The following UNC80 variants were observed in gnomAD, a reference collection of about 807,000 sequenced individuals.
UNC80 encodes protein unc-80 homolog.
A neutral mutation model predicts 384.6 loss-of-function variants in UNC80; 164 were observed. The observed-to-expected ratio is 0.43, with a 90% confidence interval of 0.38 to 0.49. UNC80 has a LOEUF of 0.49. Among genes scored for constraint, UNC80 ranks in the 20% least tolerant of loss-of-function variants. The pLI, the probability that UNC80 is intolerant of heterozygous loss-of-function variation, is 0.00. For missense variants in UNC80, 3,330 were observed against 4,143.0 expected (o/e 0.80, Z 5.39); for synonymous variants, 1,486 against 1,527.8 (o/e 0.97, Z 0.64).
At chr2:209,896,566 ACT>A (rs1202694311) in intron 28 of UNC80, among the ~76,000 whole-genome samples, 153 bp downstream of exon 28, 3 of 151,994 alleles carry the variant, frequency 2.0e-5, no homozygotes, top group African/African-American at 7.2e-5. Context: ...ATATCTCAAC[ACT>A]CTCTAGAATT....
chr2:209,852,606 G>A lies in UNC80; in HGVS notation c.3627+2983G>A, dbSNP rs374579641. Among the ~76,000 whole-genome samples, 5 of 152,232 alleles carry A rather than the reference G, an allele frequency of 3.3e-5. No homozygotes were observed. In the South Asian group the frequency reaches 6.2e-4, roughly 19 times the overall value. The stretch of plus-strand genomic sequence containing the variant: ...GGAACTAAAGGGGCTGGTGAATTCT[G>A]ACAGACTGAGAGGAAGGTAATGCAG... On this transcript the variant is annotated intron_variant, in intron 22 of 64. Transcript: ENST00000673920.
chr2:209,903,618 A>AAT (rs375528545), intron 28 of UNC80, among the ~76,000 whole-genome samples: 2 of 84,520 alleles, frequency 2.4e-5, no homozygotes, highest in South Asian at 3.5e-4. Flanking sequence ...GTATATATGT[A>AAT]ATATATATAT....
intron 4 of UNC80, among the ~76,000 whole-genome samples, chr2:209,785,457 T>C (rs1341359453): frequency 1.3e-5 from 2 of 152,222 alleles, no homozygotes; most frequent in East Asian, 3.8e-4. Context: ...TTCCTAATGC[T>C]ATGTTAAACA....
intron 7 of UNC80, among the ~76,000 whole-genome samples, chr2:209,806,782 A>AG (rs1423759452): frequency 6.6e-5 from 10 of 152,252 alleles, no homozygotes; most frequent in Non-Finnish European, 1.3e-4. Context: ...ATAAGTAAAC[A>AG]GGTAGCTAGT....
Position 209,995,676 on chromosome 2 carries a change from A to G in UNC80, c.*81A>G. The G allele has an allele frequency of 6.8e-7, 1 of 1,465,266 alleles. No homozygotes were observed. The allele number at this position is 1,465,266 out of a possible 1,614,324, so 90.8% of individuals were successfully genotyped here. On this transcript the variant is annotated 3_prime_UTR_variant, in exon 65 of 65. Transcript: ENST00000673920. Reference sequence around the variant, plus strand: ...CTACAAGTTCAATACTTTTGCTTGAAAAAGATTAATTACAAAATAGCACTT... The same window carrying G: ...CTACAAGTTCAATACTTTTGCTTGAGAAAGATTAATTACAAAATAGCACTT...
rs1575183610 is a variant in UNC80 at position 209,972,258 on chromosome 2, C to A, written c.8314C>A (p.Arg2772=). The A allele has an allele frequency of 1.3e-6, 2 of 1,551,578 alleles. No individual in the cohort carries two copies. Among genetic ancestry groups the A allele is most frequent in the Non-Finnish European group, 1.7e-6 (2 of 1,146,854 alleles). The stretch of plus-strand genomic sequence containing the variant: ...GATCTCCCCATTCACCAATCAAGAG[C>A]GAAGGGAGGGGATGCTTTTAAATCT... ...HVISPFTNQE[R]REGMLLNLLI... is the part of the protein sequence containing the mutation. The change falls in exon 55 of 65, where the codon CGA becomes AGA. Residue 2772 remains arginine, a synonymous_variant. Transcript: ENST00000673920.
intron 14 of UNC80, 82 bp from the exon 15 acceptor site, chr2:209,829,150 T>G (rs2080769576): frequency 6.7e-7 from 1 of 1,498,640 alleles, no homozygotes; most frequent in African/African-American, 1.4e-5. Flanking sequence ...CCTTGCCTTC[T>G]GAAGGCTTCT....
At chr2:209,812,306 C>T (rs925652533) in intron 7 of UNC80, among the ~76,000 whole-genome samples, 1 of 151,942 alleles carries the variant, frequency 6.6e-6, no homozygotes, top group East Asian at 1.9e-4. Flanking sequence ...GTGATCCGTC[C>T]GCCTCGGCCT....
chr2:209,817,520 T>A (rs6713928), intron 10 of UNC80, among the ~76,000 whole-genome samples: 15,527 of 151,744 alleles, frequency 0.1, 2,020 homozygotes, highest in African/African-American at 0.29. Flanking sequence ...TCTTTCTGGA[T>A]TGCATACTAA....
chr2:209,771,910 G>C lies in UNC80; in HGVS notation c.-163G>C. 1 of 621,680 alleles carries C rather than the reference G, an allele frequency of 1.6e-6. No homozygotes were observed. Among genetic ancestry groups the C allele is most frequent in the Admixed American group, 2.3e-5 (1 of 44,288 alleles). 38.5% of individuals were successfully genotyped at this position (621,680 alleles called of 1,614,324 possible). ...CGCAGCCATGTTCCACGCGCGGGGA[G>C]GGGTGGGGGGAGGGGAGAGGCACGG... On this transcript the variant is annotated 5_prime_UTR_variant, in exon 1 of 65. Transcript: ENST00000673920.
intron 40 of UNC80, among the ~76,000 whole-genome samples, chr2:209,936,140 C>A (rs60828808): frequency 0.035 from 5,372 of 152,144 alleles, 325 homozygotes; most frequent in African/African-American, 0.12. Flanking sequence ...CATTACTACT[C>A]CTTTTGTCCT....
chr2:209,877,088 A>G (rs185434680), intron 23 of UNC80, among the ~76,000 whole-genome samples: 17 of 152,282 alleles, frequency 1.1e-4, no homozygotes, highest in African/African-American at 2.9e-4. Context: ...AGAGTATCCA[A>G]ACTGTCAAAC....
At position 209,940,348 on chromosome 2, in the gene UNC80, C is replaced by CA. The variant is rs1465888236; in HGVS notation, c.6646+700dup. Among the ~76,000 whole-genome samples the CA allele has an allele frequency of 1.1e-4, 17 of 152,124 alleles. No individual in the cohort carries two copies. In the East Asian group the frequency reaches 2.9e-3, roughly 26 times the overall value. On this transcript the variant is annotated intron_variant, in intron 43 of 64. Transcript: ENST00000673920. ...ATGAGTGCATAGTGCATATTTTTGT[C>CA]AAAATTCAATGAACTCTAAAGATCT...
chr2:209,885,122 T>TA (rs1179844614), intron 25 of UNC80, among the ~76,000 whole-genome samples: 1 of 151,186 alleles, frequency 6.6e-6, no homozygotes, highest in African/African-American at 2.4e-5. Context: ...TTTCTAAAGT[T>TA]AAAAAAATCA....
At chr2:209,972,064 T>C in intron 54 of UNC80, 137 bp from the exon 55 acceptor site, 2 of 1,042,264 alleles carry the variant, frequency 1.9e-6, no homozygotes, top group Admixed American at 3.2e-5. Context: ...GCTTGTATGC[T>C]GTACAGACAA....
intron 42 of UNC80, 82 bp downstream of exon 42, chr2:209,937,712 AT>A: frequency 9.4e-7 from 1 of 1,059,242 alleles, no homozygotes; most frequent in Non-Finnish European, 1.4e-6. Context: ...CAACTTTGAG[AT>A]TTTATGATTC....
chr2:209,820,794 A>AG, intron 13 of UNC80, 115 bp downstream of exon 13: 1 of 1,120,882 alleles, frequency 8.9e-7, no homozygotes, highest in Non-Finnish European at 1.2e-6. Flanking sequence ...AGAGCAAAAA[A>AG]GTGGAGAGTG....
chr2:209,994,120 C>T lies in UNC80; in HGVS notation c.9564C>T (p.Ala3188=), dbSNP rs1241666288. ...AGGCTCAGCCAGAGCCAGCAGCTGC[C>T]CCAACAGATGCGCTTCCTGCAACAG... ...FIEAQPEPAA[A]PTDALPATGQ... The change falls in exon 64 of 65, where the codon GCC becomes GCT. Residue 3188 remains alanine (A), a synonymous_variant. Coordinates refer to ENST00000673920, the MANE Select transcript of UNC80 (RefSeq NM_001371986.1). 6 of 1,551,554 alleles carry T rather than the reference C, an allele frequency of 3.9e-6. No homozygotes were observed. Among genetic ancestry groups the T allele is most frequent in the African/African-American group, 1.4e-5 (1 of 72,974 alleles).
At chr2:209,978,779 C>T in intron 59 of UNC80, 71 bp downstream of exon 59, 1 of 1,352,864 alleles carries the variant, frequency 7.4e-7, no homozygotes, top group Non-Finnish European at 9.7e-7. Context: ...GGAAGGATTA[C>T]TGCCCTTCTG....
Sources: allele counts gnomAD v4.1 joint callset (sites outside exome capture counted in the v4.1 genomes callset), GRCh38; gene constraint gnomAD v4.1.1; transcripts MANE v1.5; gene names NCBI Gene and HGNC (gene_info 2026-07-23, HGNC 2026-07-21).